PRKN: variants seen among roughly 807,000 people sequenced by gnomAD.
PRKN encodes E3 ubiquitin-protein ligase parkin.
Under a neutral mutation model 59.5 loss-of-function variants are expected in PRKN, and 56 were observed. That is an observed-to-expected ratio of 0.94 (90% CI 0.76 to 1.18). The LOEUF (loss-of-function observed/expected upper bound fraction) is 1.18. Ranked by LOEUF, PRKN falls within the 50% of genes most tolerant of loss-of-function variation. The pLI is 0.00. For missense variants in PRKN, 657 were observed against 596.4 expected, an observed-to-expected ratio of 1.10 and a Z score of -1.06; for synonymous variants, 250 against 222.1, an observed-to-expected ratio of 1.13 and a Z score of -1.12.
chr6:161,446,207 G>T lies in PRKN; in HGVS notation c.1084-59330C>A, dbSNP rs1477742043. ...CACTCCAGCCTTGGCAACAGAGAGA[G>T]ATCTTATCTCAGAACAAAACAAAAA... On this transcript the variant is annotated intron_variant, in intron 9 of 11. Coordinates refer to ENST00000366898, the MANE Select transcript of PRKN (RefSeq NM_004562.3). This position sits in a 1 kb window ranked among gnomAD's most constrained non-coding sequence, Gnocchi z 6.2. Among the ~76,000 whole-genome samples, 1 of 152,142 alleles carries T rather than the reference G, an allele frequency of 6.6e-6. No individual in the cohort carries two copies. Among genetic ancestry groups the T allele is most frequent in the African/African-American group, 2.4e-5 (1 of 41,444 alleles).
rs1255070855 is a variant in PRKN at position 161,462,840 on chromosome 6, A to G, written c.1084-75963T>C. On this transcript the variant is annotated intron_variant, in intron 9 of 11. Coordinates refer to ENST00000366898, the MANE Select transcript of PRKN (RefSeq NM_004562.3). This position sits in a 1 kb window ranked among gnomAD's most constrained non-coding sequence, Gnocchi z 4.5. ...AAATAATCCATGATTTTTTTGTTCTAAACTGGCTTAATAGGTCTGAGGCCA... is the reference window on the plus strand; with the variant it reads ...AAATAATCCATGATTTTTTTGTTCTGAACTGGCTTAATAGGTCTGAGGCCA... Among the ~76,000 whole-genome samples, 2 of 152,156 alleles carry G rather than the reference A, an allele frequency of 1.3e-5. No individual in the cohort carries two copies. Among genetic ancestry groups the G allele is most frequent in the Admixed American group, 1.3e-4 (2 of 15,268 alleles).
intron 4 of PRKN, among the ~76,000 whole-genome samples, chr6:162,166,105 C>T (rs1234579086): frequency 1.4e-5 from 2 of 142,420 alleles, no homozygotes; most frequent in Admixed American, 7.0e-5. Context: ...AAGTGGTTTA[C>T]ACAACAAATG....
At chr6:162,279,929 C>T (rs1023465619) in intron 2 of PRKN, among the ~76,000 whole-genome samples, 5 of 152,032 alleles carry the variant, frequency 3.3e-5, no homozygotes, top group Admixed American at 2.6e-4. Flanking sequence ...TTATGTAATG[C>T]CTTTCTTTGT....
chr6:162,514,399 C>T (rs9458572), intron 1 of PRKN, among the ~76,000 whole-genome samples: 11,226 of 152,048 alleles, frequency 0.074, 541 homozygotes, highest in Middle Eastern at 0.14. Flanking sequence ...AAAAGTGAGT[C>T]GCCCTGTATG....
intron 6 of PRKN, among the ~76,000 whole-genome samples, chr6:161,960,921 A>C (rs1417903246): frequency 6.6e-6 from 1 of 152,226 alleles, no homozygotes; most frequent in Non-Finnish European, 1.5e-5. Context: ...AATATGTGTT[A>C]TATTTGTGTG....
chr6:162,425,308 A>G (rs1290195176), intron 2 of PRKN, among the ~76,000 whole-genome samples: 3 of 152,164 alleles, frequency 2.0e-5, no homozygotes, highest in Non-Finnish European at 4.4e-5. Flanking sequence ...CCTGCCACGA[A>G]GCAGCCCCAC....
chr6:162,091,555 T>A (rs563546277), intron 4 of PRKN, among the ~76,000 whole-genome samples: 1 of 152,296 alleles, frequency 6.6e-6, no homozygotes, highest in South Asian at 2.1e-4. Flanking sequence ...ACTGAACTAT[T>A]TTTTCATGTA....
chr6:161,732,857 C>A (rs1012621672), intron 7 of PRKN, among the ~76,000 whole-genome samples: 2 of 151,992 alleles, frequency 1.3e-5, no homozygotes, highest in Non-Finnish European at 2.9e-5. Flanking sequence ...CTGGACTCAC[C>A]CTCACTTGTT....
intron 7 of PRKN, among the ~76,000 whole-genome samples, chr6:161,596,690 G>C (rs1178619320): frequency 6.6e-6 from 1 of 152,094 alleles, no homozygotes; most frequent in African/African-American, 2.4e-5. Flanking sequence ...GTGCATTTCT[G>C]TCTGGAAGGA....
intron 1 of PRKN, among the ~76,000 whole-genome samples, chr6:162,469,994 G>A (rs1376433776): frequency 6.6e-6 from 1 of 152,112 alleles, no homozygotes; most frequent in African/African-American, 2.4e-5. Flanking sequence ...TGTTTTACAC[G>A]ATCCTAGGGC....
chr6:162,525,276 G>C (rs929980121), intron 1 of PRKN, among the ~76,000 whole-genome samples: 1 of 152,012 alleles, frequency 6.6e-6, no homozygotes, highest in Admixed American at 6.6e-5. Flanking sequence ...CTCTTGCCAG[G>C]TGCTCTCTGA....
intron 1 of PRKN, among the ~76,000 whole-genome samples, chr6:162,593,540 G>A (rs549972670): frequency 2.0e-5 from 3 of 152,176 alleles, no homozygotes; most frequent in East Asian, 1.9e-4. Context: ...CTCACAATAC[G>A]GTTCCACTGG....
At chr6:162,029,557 T>C (rs1371342250) in intron 5 of PRKN, among the ~76,000 whole-genome samples, 1 of 152,182 alleles carries the variant, frequency 6.6e-6, no homozygotes, top group African/African-American at 2.4e-5. Flanking sequence ...GCACTCTAGT[T>C]CATCCATGCC....
intron 2 of PRKN, among the ~76,000 whole-genome samples, chr6:162,328,360 G>A (rs915264814): frequency 1.5e-4 from 23 of 152,068 alleles, no homozygotes; most frequent in African/African-American, 3.6e-4. Context: ...GTGAGATTCC[G>A]TCTCAAAAAA....
At chr6:161,420,779 T>C (rs1788069519) in intron 9 of PRKN, among the ~76,000 whole-genome samples, 1 of 152,150 alleles carries the variant, frequency 6.6e-6, no homozygotes, top group African/African-American at 2.4e-5. Context: ...TCAGTTTTCT[T>C]TACTTTTTAA....
intron 3 of PRKN, among the ~76,000 whole-genome samples, chr6:162,235,902 AAAGGAAGG>A (rs777894905): frequency 0.011 from 800 of 73,264 alleles, 26 homozygotes; most frequent in Admixed American, 0.015. Context: ...AGAAAGAAGG[AAAGGAAGG>A]AAGGAAGGAA....
At chr6:161,978,026 T>G (rs551284293) in intron 5 of PRKN, among the ~76,000 whole-genome samples, 3,679 of 128,260 alleles carry the variant, frequency 0.029, 57 homozygotes, top group Non-Finnish European at 0.046. Context: ...GTATTTTATT[T>G]TATTGTATTT....
chr6:162,451,765 T>C (rs1057385993), intron 1 of PRKN, among the ~76,000 whole-genome samples: 3 of 152,062 alleles, frequency 2.0e-5, no homozygotes, highest in African/African-American at 7.2e-5. Flanking sequence ...TGATCTAATA[T>C]ATATGTTGTT....
At chr6:162,104,462 A>G (rs11970332) in intron 4 of PRKN, among the ~76,000 whole-genome samples, 4,160 of 152,332 alleles carry the variant, frequency 0.027, 196 homozygotes, top group African/African-American at 0.096. Context: ...CATGAAAAAG[A>G]AATGCCAAGA....
Sources: allele counts gnomAD v4.1 joint callset (sites outside exome capture counted in the v4.1 genomes callset), GRCh38; gene constraint gnomAD v4.1.1; non-coding constraint Gnocchi (gnomAD v3.1); transcripts MANE v1.5; gene names NCBI Gene and HGNC (gene_info 2026-07-23, HGNC 2026-07-21).